The following MGAT4C variants were observed in gnomAD, a reference collection of about 807,000 sequenced individuals.
The protein encoded by MGAT4C is alpha-1,3-mannosyl-glycoprotein 4-beta-N-acetylglucosaminyltransferase C.
MGAT4C carries 19 observed loss-of-function variants against 40.1 expected under a neutral mutation model. The observed-to-expected ratio is 0.47, with a 90% CI of 0.33 to 0.70. The LOEUF (loss-of-function observed/expected upper bound fraction) is 0.70, where lower values mean the gene tolerates loss of function less well. MGAT4C is among the 30% of genes least tolerant of loss of function. The pLI is 0.02. For synonymous variants in MGAT4C, 181 were observed against 187.1 expected, an observed-to-expected ratio of 0.97 and a Z score of 0.27; for missense variants, 491 against 563.2, an observed-to-expected ratio of 0.87 and a Z score of 1.30.
At chr12:86,805,130 A>T (rs1456047644) in intron 1 of MGAT4C, among the ~76,000 whole-genome samples, 10 of 151,988 alleles carry the variant, frequency 6.6e-5, no homozygotes, top group Non-Finnish European at 8.8e-5. Flanking sequence ...GTTTTCAATG[A>T]CTGTGATATA....
At chr12:86,702,493 C>A (rs74453128) in intron 2 of MGAT4C, among the ~76,000 whole-genome samples, 4,755 of 152,200 alleles carry the variant, frequency 0.031, 121 homozygotes, top group African/African-American at 0.074. Context: ...ATGCAGCTAA[C>A]GATTTTAAGT....
intron 1 of MGAT4C, among the ~76,000 whole-genome samples, chr12:86,803,477 C>A (rs952965963): frequency 2.0e-5 from 3 of 152,004 alleles, no homozygotes; most frequent in African/African-American, 7.2e-5. Flanking sequence ...AGTGAACAGG[C>A]AACCTACAAC....
At chr12:86,374,271 T>G (rs1165194898) in intron 3 of MGAT4C, among the ~76,000 whole-genome samples, 1 of 152,114 alleles carries the variant, frequency 6.6e-6, no homozygotes, top group Non-Finnish European at 1.5e-5. Context: ...CAAATGATAC[T>G]GAAACACTGA....
intron 1 of MGAT4C, among the ~76,000 whole-genome samples, chr12:86,240,378 G>T (rs1951735389): frequency 6.6e-6 from 1 of 151,748 alleles, no homozygotes; most frequent in South Asian, 2.1e-4. Context: ...ATGAACATGT[G>T]TGTCTTTGTG....
intron 2 of MGAT4C, among the ~76,000 whole-genome samples, chr12:86,661,608 A>G (rs1593090088): frequency 2.0e-5 from 3 of 152,316 alleles, no homozygotes; most frequent in Admixed American, 2.0e-4. Context: ...GAGTTAATAA[A>G]GTATCTTTGA....
At chr12:86,800,977 T>A (rs1317690770) in intron 1 of MGAT4C, among the ~76,000 whole-genome samples, 1 of 151,900 alleles carries the variant, frequency 6.6e-6, no homozygotes, top group African/African-American at 2.4e-5. Context: ...ATCCTTCAGG[T>A]GATATCTTAT....
rs376740015 is a variant in MGAT4C at position 86,684,938 on chromosome 12, C to T, written c.-229+42271G>A. On this transcript the variant is annotated intron_variant, in intron 2 of 7. Coordinates refer to the MGAT4C transcript ENST00000548651. ...TCCTTTTAGATTCTGGATATGAGCT[C>T]TTTGTCAGATGGATAGATTGCAAAA... 1.4e-4 allele frequency among the ~76,000 whole-genome samples: 21 copies of T among 151,960 alleles called. No individual in the cohort carries two copies. In the East Asian group the frequency reaches 3.1e-3, roughly 22 times the overall value.
At chr12:86,224,845 A>G (rs190087477) in intron 1 of MGAT4C, among the ~76,000 whole-genome samples, 1 of 152,198 alleles carries the variant, frequency 6.6e-6, no homozygotes, top group Non-Finnish European at 1.5e-5. Flanking sequence ...GTAGAAATAT[A>G]TCAAATAACA....
At chr12:86,588,796 A>G (rs1402997963) in intron 2 of MGAT4C, among the ~76,000 whole-genome samples, 3 of 152,088 alleles carry the variant, frequency 2.0e-5, no homozygotes, top group African/African-American at 7.2e-5. Context: ...CTGCTCCTGA[A>G]TGACTACTGG....
At chr12:86,251,154 T>G (rs1199178390) in intron 1 of MGAT4C, among the ~76,000 whole-genome samples, 1 of 148,058 alleles carries the variant, frequency 6.8e-6, no homozygotes, top group Non-Finnish European at 1.5e-5. Context: ...TTTTTTATTA[T>G]GAAGGCATGA....
intron 1 of MGAT4C, among the ~76,000 whole-genome samples, chr12:86,740,798 T>C (rs1172244144): frequency 6.6e-6 from 1 of 151,376 alleles, no homozygotes; most frequent in South Asian, 2.1e-4. Flanking sequence ...TAGGGATTTG[T>C]TATTTGAATG....
chr12:86,835,173 T>C (rs1166381792), intron 1 of MGAT4C, among the ~76,000 whole-genome samples: 2 of 151,950 alleles, frequency 1.3e-5, no homozygotes, highest in Admixed American at 1.3e-4. Flanking sequence ...TTTTTCTGTA[T>C]ATTTTAAACT....
At chr12:86,071,739 A>G (rs557233844) in intron 1 of MGAT4C, among the ~76,000 whole-genome samples, 8 of 152,248 alleles carry the variant, frequency 5.3e-5, no homozygotes, top group African/African-American at 1.4e-4. Context: ...CCCATTTTAC[A>G]TATTCAAGAA....
At chr12:86,326,257 C>G (rs909216507) in intron 4 of MGAT4C, among the ~76,000 whole-genome samples, 1 of 150,722 alleles carries the variant, frequency 6.6e-6, no homozygotes, top group African/African-American at 2.4e-5. Flanking sequence ...GTAGTGTATA[C>G]TTAAAATTTG....
intron 2 of MGAT4C, among the ~76,000 whole-genome samples, chr12:86,461,157 T>C (rs557072214): frequency 9.2e-5 from 14 of 152,144 alleles, no homozygotes; most frequent in African/African-American, 1.7e-4. Context: ...CTACTTTATA[T>C]ATTTTTAATT....
intron 2 of MGAT4C, among the ~76,000 whole-genome samples, chr12:86,497,680 G>T (rs2136330093): frequency 6.6e-6 from 1 of 151,364 alleles, no homozygotes; most frequent in African/African-American, 2.4e-5. Context: ...TAGGACTCAG[G>T]TTACATTTCC....
intron 1 of MGAT4C, among the ~76,000 whole-genome samples, chr12:86,179,729 G>A (rs1203898867): frequency 6.6e-6 from 1 of 152,148 alleles, no homozygotes; most frequent in Non-Finnish European, 1.5e-5. Context: ...AGGGTATCTG[G>A]CAGATGAAAT....
chr12:86,433,357 CAT>C (rs36089495), intron 3 of MGAT4C, among the ~76,000 whole-genome samples: 1 of 150,108 alleles, frequency 6.7e-6, no homozygotes, highest in Non-Finnish European at 1.5e-5. Context: ...TGTGTGTGTG[CAT>C]ATATATATAC....
chr12:86,818,657 A>C (rs1280167275), intron 1 of MGAT4C, among the ~76,000 whole-genome samples: 1 of 151,192 alleles, frequency 6.6e-6, no homozygotes, highest in African/African-American at 2.4e-5. Flanking sequence ...GAAAAAAATA[A>C]ACTCAAATAA....
Sources: allele counts gnomAD v4.1 joint callset (sites outside exome capture counted in the v4.1 genomes callset), GRCh38; gene constraint gnomAD v4.1.1; transcripts MANE v1.5; gene names NCBI Gene and HGNC (gene_info 2026-07-23, HGNC 2026-07-21).